Variants in RASL12 observed in about 807,000 individuals in gnomAD.
The protein encoded by RASL12 is ras-like protein family member 12.
RASL12 carries 16 observed loss-of-function variants against 22.9 expected under a neutral mutation model. The observed-to-expected ratio is 0.70, with a 90% CI of 0.47 to 1.06. The LOEUF (loss-of-function observed/expected upper bound fraction) is 1.06. Among genes scored for constraint, RASL12 ranks in the 50% least tolerant of loss-of-function variants. The pLI is 0.00. For missense variants in RASL12, 306 were observed against 353.1 expected, an observed-to-expected ratio of 0.87 and a Z score of 1.07; for synonymous variants, 159 against 152.2, an observed-to-expected ratio of 1.04 and a Z score of -0.33.
At chr15:65,056,857 G>T (rs1049812903) in intron 4 of RASL12, among the ~76,000 whole-genome samples, 3 of 152,158 alleles carry the variant, frequency 2.0e-5, no homozygotes, top group Non-Finnish European at 4.4e-5. Flanking sequence ...TTTAGGGAAC[G>T]GGTGGGATCA....
At chr15:65,047,914 C>T in the RASL12 span, among the ~76,000 whole-genome samples, 1 of 152,140 alleles carries the variant, frequency 6.6e-6, no homozygotes, top group Non-Finnish European at 1.5e-5. Context: ...CACGGTGGCT[C>T]AGGCCTGTAT....
intron 2 of RASL12, 147 bp downstream of exon 2, chr15:65,065,070 T>G: frequency 1.5e-6 from 1 of 682,114 alleles, no homozygotes; most frequent in East Asian, 3.0e-5. Flanking sequence ...TTAAAACATT[T>G]TCCCCCATGG....
intron 1 of RASL12, chr15:65,076,424 A>C: frequency 1.9e-6 from 1 of 539,086 alleles, no homozygotes; most frequent in Non-Finnish European, 3.3e-6. Context: ...TTCACTCCTG[A>C]GCCAGCGAGA....
upstream of RASL12, chr15:65,068,237 G>C (rs1379458573): frequency 2.1e-5 from 21 of 988,278 alleles, no homozygotes; most frequent in Non-Finnish European, 2.5e-5. This position sits in a 1 kb window ranked among gnomAD's most constrained non-coding sequence, Gnocchi z 4.2. Flanking sequence ...CAGGGCTAGG[G>C]GGAGAGAGGG....
At chr15:65,058,916 T>C (rs2086768908) in intron 3 of RASL12, among the ~76,000 whole-genome samples, 1 of 152,256 alleles carries the variant, frequency 6.6e-6, no homozygotes, top group South Asian at 2.1e-4. Context: ...CCACTGGTTT[T>C]GGGTTGAGTT....
upstream of RASL12, chr15:65,068,073 C>CGGAGCCCCGCG: frequency 9.4e-7 from 1 of 1,069,434 alleles, no homozygotes; most frequent in East Asian, 6.6e-5. The surrounding 1 kb of genome is among the most constrained non-coding windows in gnomAD (Gnocchi z 4.2). Flanking sequence ...GTAAGGGCTG[C>CGGAGCCCCGCG]GGAGCCCCCC....
upstream of RASL12, among the ~76,000 whole-genome samples, chr15:65,072,892 T>C (rs1025208507): frequency 6.6e-6 from 1 of 152,110 alleles, no homozygotes; most frequent in Non-Finnish European, 1.5e-5. Context: ...GGCCCAGCAC[T>C]TTGGGAGGCC....
At chr15:65,047,285 G>A in the RASL12 span, among the ~76,000 whole-genome samples, 6 of 146,304 alleles carry the variant, frequency 4.1e-5, no homozygotes, top group African/African-American at 1.3e-4. Flanking sequence ...GCAGTGAGCC[G>A]AGATCACACC....
At chr15:65,049,076 CA>C (rs1427860136), downstream of RASL12, 9 of 150,028 alleles carry the variant, frequency 6.0e-5, no homozygotes, top group African/African-American at 2.0e-4. Flanking sequence ...TATATGTTGT[CA>C]AAATTAATTT....
chr15:65,056,526 C>A (rs1303123885), intron 4 of RASL12, among the ~76,000 whole-genome samples: 1 of 152,182 alleles, frequency 6.6e-6, no homozygotes, highest in Non-Finnish European at 1.5e-5. Context: ...CTTGAATCTG[C>A]AACTTTGTCA....
upstream of RASL12, among the ~76,000 whole-genome samples, chr15:65,070,825 C>T (rs948844227): frequency 5.3e-5 from 8 of 152,182 alleles, no homozygotes; most frequent in African/African-American, 1.9e-4. Flanking sequence ...GATAAATTCA[C>T]ATGTCAAAGG....
downstream of RASL12, among the ~76,000 whole-genome samples, chr15:65,052,347 G>C (rs1317072008): frequency 6.6e-6 from 1 of 151,156 alleles, no homozygotes; most frequent in African/African-American, 2.4e-5. Flanking sequence ...AAGAACACAG[G>C]ATTCAAGAGT....
chr15:65,052,062 C>A (rs1197150668), downstream of RASL12, among the ~76,000 whole-genome samples: 3 of 152,122 alleles, frequency 2.0e-5, no homozygotes, highest in South Asian at 6.2e-4. Context: ...TGAATAAAAC[C>A]AATCTGGAGA....
intron 2 of RASL12, among the ~76,000 whole-genome samples, chr15:65,064,027 T>C (rs954001285): frequency 6.6e-6 from 1 of 152,208 alleles, no homozygotes; most frequent in Admixed American, 6.5e-5. Flanking sequence ...CAACACCCAT[T>C]TTCTAAAGGC....
chr15:65,068,404 C>T (rs1380595013), upstream of RASL12: 1 of 529,664 alleles, frequency 1.9e-6, no homozygotes, highest in African/African-American at 2.1e-5. The surrounding 1 kb of genome is among the most constrained non-coding windows in gnomAD (Gnocchi z 4.2). Flanking sequence ...TTAGCTCAGC[C>T]TTGGCACTCT....
Position 65,058,614 on chromosome 15 carries a change from T to A in RASL12, c.238A>T (p.Thr80Ser), listed in dbSNP as rs575544280. 12 of 1,532,248 alleles carry A rather than the reference T, an allele frequency of 7.8e-6. No individual in the cohort carries two copies. The highest frequency in any genetic ancestry group is 1.4e-5 in the African/African-American group (1 of 72,804). 94.9% of individuals were successfully genotyped at this position (1,532,248 alleles called of 1,614,324 possible). Residue 80 changes from threonine (T) to serine (S), a missense_variant, in exon 4 of 5, where the codon ACC (threonine) becomes TCC (serine). Physicochemically the swap from Thr to Ser is moderately conservative, Grantham distance 58. Coordinates refer to ENST00000220062, the MANE Select transcript of RASL12 (RefSeq NM_016563.4). Reference sequence around the variant, plus strand: ...AGGTAGCGCTCGCAGTTCCTGGGGGTGTCCTGGGGTGAAGGTGAGAAGCCC... The same window carrying A: ...AGGTAGCGCTCGCAGTTCCTGGGGGAGTCCTGGGGTGAAGGTGAGAAGCCC... The part of the protein sequence containing the change: ...LRVMDTADLD[T>S]PRNCERYLNW...
At chr15:65,073,715 T>G (rs2086947042) in intron 1 of RASL12, among the ~76,000 whole-genome samples, 1 of 152,200 alleles carries the variant, frequency 6.6e-6, no homozygotes, top group African/African-American at 2.4e-5. Context: ...TCTTGGTGCT[T>G]CAGTCTCTTC....
the RASL12 span, among the ~76,000 whole-genome samples, chr15:65,047,916 G>A: frequency 1.6e-4 from 24 of 152,248 alleles, no homozygotes; most frequent in African/African-American, 5.5e-4. Context: ...CGGTGGCTCA[G>A]GCCTGTATTC....
intron 1 of RASL12, 27 bp downstream of exon 1, chr15:65,067,706 C>T (rs769553020): frequency 1.3e-6 from 2 of 1,529,222 alleles, no homozygotes; most frequent in Non-Finnish European, 8.8e-7. Context: ...CCGCACTTGG[C>T]GGCTCAGGCT....
Sources: allele counts gnomAD v4.1 joint callset (sites outside exome capture counted in the v4.1 genomes callset), GRCh38; gene constraint gnomAD v4.1.1; non-coding constraint Gnocchi (gnomAD v3.1); transcripts MANE v1.5; gene names NCBI Gene and HGNC (gene_info 2026-07-23, HGNC 2026-07-21).